Variants in RAPGEF5 observed in about 807,000 individuals in gnomAD.
The protein encoded by RAPGEF5 is Rap guanine nucleotide exchange factor 5, also known as M-Ras-regulated GEF.
In RAPGEF5, 65 loss-of-function variants were observed where a neutral mutation model predicts 125.2. The ratio of observed to expected loss-of-function variants is 0.52; its 90% CI spans 0.43 to 0.64. The LOEUF is 0.64. Ranked by LOEUF, RAPGEF5 falls within the 30% of genes least tolerant of loss-of-function variation. The pLI, the probability that RAPGEF5 is intolerant of heterozygous loss-of-function variation, is 0.00. For synonymous variants in RAPGEF5, 391 were observed against 385.9 expected, an observed-to-expected ratio of 1.01 and a Z score of -0.16; for missense variants, 958 against 1,048.1, an observed-to-expected ratio of 0.91 and a Z score of 1.19.
intron 7 of RAPGEF5, among the ~76,000 whole-genome samples, chr7:22,263,948 T>C (rs192943473): frequency 1.1e-4 from 16 of 152,258 alleles, no homozygotes; most frequent in South Asian, 2.1e-4. Context: ...TGTTCTACTA[T>C]GATAGCAAGA....
At position 22,119,814 on chromosome 7, in the gene RAPGEF5, C is replaced by G. The variant is rs142567359; in HGVS notation, c.*2592G>C. On this transcript the variant is annotated 3_prime_UTR_variant, in exon 26 of 26. Transcript: ENST00000665637. The surrounding 1 kb of genome is among the most constrained non-coding windows in gnomAD (Gnocchi z 4.1). Reference sequence around the variant, plus strand: ...TTCTAGACCACGCTTCTAGCCAGAACAAACCCTATTCTGAAGAGGCCTTGG... The same window carrying G: ...TTCTAGACCACGCTTCTAGCCAGAAGAAACCCTATTCTGAAGAGGCCTTGG... The G allele has an allele frequency of 6.6e-6, 1 of 152,326 alleles. No individual in the cohort carries two copies. Among genetic ancestry groups the G allele is most frequent in the East Asian group, 1.9e-4 (1 of 5,188 alleles). The allele number at this position is 152,326 out of a possible 1,614,324, so 9.4% of individuals were successfully genotyped here.
At chr7:22,204,234 T>C (rs1374012257) in intron 9 of RAPGEF5, among the ~76,000 whole-genome samples, 1 of 152,218 alleles carries the variant, frequency 6.6e-6, no homozygotes, top group East Asian at 1.9e-4. Flanking sequence ...TTGTGTTTGA[T>C]ACCTCCTGAC....
At chr7:22,163,511 T>G (rs1252879155) in intron 12 of RAPGEF5, among the ~76,000 whole-genome samples, 1 of 152,224 alleles carries the variant, frequency 6.6e-6, no homozygotes, top group Admixed American at 6.5e-5. Flanking sequence ...ATATACTGAA[T>G]AGTTAACAGT....
chr7:22,226,313 A>AT (rs1385370557), intron 8 of RAPGEF5, among the ~76,000 whole-genome samples: 1 of 152,248 alleles, frequency 6.6e-6, no homozygotes, highest in African/African-American at 2.4e-5. Context: ...AGTTCATATA[A>AT]TTTTTTTGCT....
chr7:22,217,509 T>C (rs1785667786), intron 9 of RAPGEF5, among the ~76,000 whole-genome samples: 1 of 152,194 alleles, frequency 6.6e-6, no homozygotes, highest in Admixed American at 6.5e-5. Context: ...TCCTAATAAA[T>C]TACTGCAAAA....
chr7:22,352,899 G>C (rs1445455877), intron 1 of RAPGEF5, among the ~76,000 whole-genome samples: 1 of 152,144 alleles, frequency 6.6e-6, no homozygotes, highest in African/African-American at 2.4e-5. Flanking sequence ...AAGGATCTAG[G>C]CTACAACGAT....
At chr7:22,203,823 G>T (rs1785335780) in intron 9 of RAPGEF5, among the ~76,000 whole-genome samples, 1 of 152,120 alleles carries the variant, frequency 6.6e-6, no homozygotes, top group Non-Finnish European at 1.5e-5. Context: ...ACTGAGGCAT[G>T]GTACAGTGTG....
intron 11 of RAPGEF5, chr7:22,191,455 T>G (rs1784993831): frequency 4.7e-6 from 2 of 424,878 alleles, no homozygotes; most frequent in Non-Finnish European, 1.0e-5. Context: ...TGCAAAACTC[T>G]AAAGTTTCAT....
At chr7:22,355,415 A>C (rs1298758441) in intron 1 of RAPGEF5, among the ~76,000 whole-genome samples, 3 of 152,192 alleles carry the variant, frequency 2.0e-5, no homozygotes, top group African/African-American at 7.2e-5. Context: ...AGTAACCGTC[A>C]AGGATAATAG....
intron 1 of RAPGEF5, among the ~76,000 whole-genome samples, chr7:22,335,077 C>T (rs1784000285): frequency 1.3e-5 from 2 of 152,200 alleles, no homozygotes; most frequent in Admixed American, 6.5e-5. Flanking sequence ...GCCCCAATAG[C>T]AAGTCAACTA....
chr7:22,311,277 A>G (rs2128153263), intron 3 of RAPGEF5, among the ~76,000 whole-genome samples: 1 of 152,194 alleles, frequency 6.6e-6, no homozygotes, highest in Non-Finnish European at 1.5e-5. Flanking sequence ...AGCTGCCCAA[A>G]CTGCGGAGAT....
chr7:22,337,491 G>A lies in RAPGEF5; in HGVS notation c.231+19339C>T, dbSNP rs184612646. 2.0e-5 allele frequency among the ~76,000 whole-genome samples: 3 copies of A among 152,274 alleles called. No homozygotes were observed. In the East Asian group the frequency reaches 5.8e-4, roughly 29 times the overall value. ...ATTGGTTAACTATACCTACATCTTA[G>A]CAGAATTCAGGACCCCCTCATAATC... is the stretch of plus-strand genomic sequence containing the variant. On this transcript the variant is annotated intron_variant, in intron 1 of 25. Coordinates refer to ENST00000665637, the MANE Select transcript of RAPGEF5 (RefSeq NM_012294.5).
At chr7:22,164,826 T>G (rs6980127) in intron 12 of RAPGEF5, among the ~76,000 whole-genome samples, 146,460 of 152,214 alleles carry the variant, frequency 0.96, 70,499 homozygotes, top group East Asian at 0.99. Context: ...AATTTAATGC[T>G]CTTTATGATG....
At chr7:22,220,423 A>G in intron 8 of RAPGEF5, among the ~76,000 whole-genome samples, 1 of 152,152 alleles carries the variant, frequency 6.6e-6, no homozygotes, top group East Asian at 1.9e-4. Context: ...GCAACACCCC[A>G]ATTCTTTAGC....
At chr7:22,209,164 A>T (rs186916463) in intron 9 of RAPGEF5, among the ~76,000 whole-genome samples, 2 of 152,390 alleles carry the variant, frequency 1.3e-5, no homozygotes, top group African/African-American at 2.4e-5. Context: ...GGCATTTAAT[A>T]GTTCAACAAG....
intron 20 of RAPGEF5, among the ~76,000 whole-genome samples, chr7:22,141,360 G>A (rs369105125): frequency 6.6e-6 from 1 of 152,144 alleles, no homozygotes; most frequent in African/African-American, 2.4e-5. Context: ...AATACAAACC[G>A]CTGTCTCCTA....
At chr7:22,252,707 T>C (rs1050041056) in intron 7 of RAPGEF5, among the ~76,000 whole-genome samples, 2 of 152,204 alleles carry the variant, frequency 1.3e-5, no homozygotes, top group African/African-American at 4.8e-5. Flanking sequence ...TCATTTCGAC[T>C]TAATAGCTCT....
intron 23 of RAPGEF5, among the ~76,000 whole-genome samples, chr7:22,134,267 T>C (rs1299897461): frequency 6.6e-6 from 1 of 152,232 alleles, no homozygotes; most frequent in Non-Finnish European, 1.5e-5. Flanking sequence ...AATGAAGTAC[T>C]AATACTATAT....
intron 11 of RAPGEF5, among the ~76,000 whole-genome samples, chr7:22,180,388 T>C (rs895554996): frequency 1.3e-5 from 2 of 152,124 alleles, no homozygotes; most frequent in African/African-American, 4.8e-5. Flanking sequence ...TTTTGGTCCA[T>C]GAGGTAAAAG....
Sources: gnomAD v4.1 joint callset for allele counts (sites outside exome capture counted in the v4.1 genomes callset) on GRCh38, gnomAD v4.1.1 for gene constraint, Gnocchi (gnomAD v3.1) non-coding constraint, MANE v1.5 for transcripts, NCBI Gene and HGNC (gene_info 2026-07-23, HGNC 2026-07-21) for gene names.